Variants in SGCD observed in about 807,000 individuals in gnomAD.
The protein encoded by SGCD is delta-sarcoglycan.
A neutral mutation model predicts 36.6 loss-of-function variants in SGCD; 18 were observed. That is an observed-to-expected ratio of 0.49 (90% CI 0.34 to 0.73). SGCD has a LOEUF of 0.73. Among genes scored for constraint, SGCD ranks in the 30% least tolerant of loss-of-function variants. The pLI, the probability that SGCD is intolerant of heterozygous loss-of-function variation, is 0.01. For synonymous variants in SGCD, 133 were observed against 130.6 expected (o/e 1.02, Z -0.12); for missense variants, 387 against 346.7 (o/e 1.12, Z -0.92).
In SGCD at chr5:156,759,490, A is replaced by G. The variant is rs371064248; in HGVS notation, c.*100A>G. 1.2e-6 allele frequency: 1 copy of G among 819,930 alleles called. No homozygotes were observed. The highest frequency in any genetic ancestry group is 1.9e-6 in the Non-Finnish European group (1 of 516,794). The allele number at this position is 819,930 out of a possible 1,614,324, so 50.8% of individuals were successfully genotyped here. A position where few individuals can be genotyped will look rare whatever the true frequency, so the allele number is the denominator to read the frequency against. ...TTACTAGAACACAGAAAGCCTATCA[A>G]AGACCTTGTGTGTATGTGTACGTGT... On this transcript the variant is annotated 3_prime_UTR_variant, in exon 9 of 9. Transcript: ENST00000337851.
At chr5:156,575,363 A>C (rs2113306141) in intron 4 of SGCD, among the ~76,000 whole-genome samples, 1 of 152,288 alleles carries the variant, frequency 6.6e-6, no homozygotes, top group South Asian at 2.1e-4. Flanking sequence ...CTGTCCAACC[A>C]GTGCTGAAGT....
chr5:155,967,511 G>GT, intron 1 of SGCD, among the ~76,000 whole-genome samples: 1 of 152,020 alleles, frequency 6.6e-6, no homozygotes. Context: ...GTTGTTTAAG[G>GT]TTTCCATCAT....
intron 7 of SGCD, among the ~76,000 whole-genome samples, chr5:156,688,253 G>T (rs1481383151): frequency 1.3e-5 from 2 of 152,014 alleles, no homozygotes; most frequent in East Asian, 3.9e-4. Flanking sequence ...TGGCATAGTG[G>T]CTGACACCTA....
chr5:156,211,174 A>C (rs906915481), intron 3 of SGCD, among the ~76,000 whole-genome samples: 2 of 152,210 alleles, frequency 1.3e-5, no homozygotes, highest in Non-Finnish European at 2.9e-5. Flanking sequence ...AGGAAAAAAA[A>C]ACAAAAAACA....
At chr5:155,785,797 A>G in the SGCD span, among the ~76,000 whole-genome samples, 1 of 152,208 alleles carries the variant, frequency 6.6e-6, no homozygotes, top group African/African-American at 2.4e-5. Flanking sequence ...GTATATTTAT[A>G]TATAAAGAGC....
chr5:155,835,002 A>ATTCTTTTTTTTTTTT, the SGCD span, among the ~76,000 whole-genome samples: 1 of 60,184 alleles, frequency 1.7e-5, no homozygotes. Context: ...TGCCCAGCTA[A>ATTCTTTTTTTTTTTT]TTTTTTTTTT....
chr5:156,081,790 A>G (rs1239164510), intron 1 of SGCD, among the ~76,000 whole-genome samples: 2 of 152,194 alleles, frequency 1.3e-5, no homozygotes, highest in Non-Finnish European at 2.9e-5. Flanking sequence ...AAATCAACTG[A>G]CAAAAGGAAG....
intron 3 of SGCD, among the ~76,000 whole-genome samples, chr5:156,391,566 C>T (rs1487030210): frequency 6.6e-6 from 1 of 152,198 alleles, no homozygotes; most frequent in Non-Finnish European, 1.5e-5. Flanking sequence ...AGTGTAATAA[C>T]TGTTTACAAA....
At chr5:155,879,520 A>T (rs1324857306) in intron 1 of SGCD, among the ~76,000 whole-genome samples, 1 of 152,168 alleles carries the variant, frequency 6.6e-6, no homozygotes, top group Admixed American at 6.5e-5. Flanking sequence ...GAGTAACCAC[A>T]CAATTTCCTT....
At chr5:155,740,096 T>G in the SGCD span, among the ~76,000 whole-genome samples, 1 of 152,184 alleles carries the variant, frequency 6.6e-6, no homozygotes, top group African/African-American at 2.4e-5. Context: ...GAATGACATA[T>G]GTTTTTATTT....
At chr5:155,733,368 A>G in the SGCD span, among the ~76,000 whole-genome samples, 14 of 152,204 alleles carry the variant, frequency 9.2e-5, no homozygotes, top group East Asian at 2.1e-3. Context: ...TTTCCCTTCT[A>G]TTTCATTGAA....
intron 1 of SGCD, among the ~76,000 whole-genome samples, chr5:156,084,404 G>A (rs941195540): frequency 1.3e-5 from 2 of 151,980 alleles, no homozygotes; most frequent in Non-Finnish European, 2.9e-5. Context: ...GTTCATTGTT[G>A]GTATATAGAA....
At chr5:155,927,439 AAG>A (rs538252285) in intron 1 of SGCD, among the ~76,000 whole-genome samples, 3 of 152,192 alleles carry the variant, frequency 2.0e-5, no homozygotes, top group Admixed American at 2.0e-4. Context: ...GTGTCTCAGC[AAG>A]AGAGTGTTAA....
chr5:155,764,417 G>A, the SGCD span, among the ~76,000 whole-genome samples: 1 of 152,132 alleles, frequency 6.6e-6, no homozygotes, highest in Admixed American at 6.6e-5. Flanking sequence ...GTTGGGCTTG[G>A]CTGGCCAGAA....
intron 1 of SGCD, among the ~76,000 whole-genome samples, chr5:155,986,565 G>C (rs1170261534): frequency 6.6e-6 from 1 of 152,146 alleles, no homozygotes; most frequent in Non-Finnish European, 1.5e-5. Context: ...CATTTTGAGG[G>C]GTAGGAGGGA....
intron 2 of SGCD, among the ~76,000 whole-genome samples, chr5:156,342,845 C>G (rs998991119): frequency 5.3e-5 from 8 of 152,226 alleles, no homozygotes; most frequent in Admixed American, 6.5e-5. Context: ...GATGGGAAAT[C>G]ATTCATTGGG....
chr5:156,371,798 C>T (rs1404937188), intron 3 of SGCD, among the ~76,000 whole-genome samples: 2 of 152,210 alleles, frequency 1.3e-5, no homozygotes, highest in East Asian at 1.9e-4. Context: ...ATGATATGCT[C>T]CGTCTAATCT....
At chr5:156,252,092 G>A (rs1179530095) in intron 3 of SGCD, among the ~76,000 whole-genome samples, 1 of 150,214 alleles carries the variant, frequency 6.7e-6, no homozygotes, top group Non-Finnish European at 1.5e-5. Context: ...TTGAGACGGA[G>A]TTTCGCTCTT....
chr5:156,537,459 C>CCA (rs769070218), intron 4 of SGCD, among the ~76,000 whole-genome samples: 16,532 of 125,668 alleles, frequency 0.13, 1,245 homozygotes, highest in East Asian at 0.2. Flanking sequence ...AAGGTAGCAG[C>CCA]CACACACACA....
Sources: gnomAD v4.1 joint callset for allele counts (sites outside exome capture counted in the v4.1 genomes callset) on GRCh38, gnomAD v4.1.1 for gene constraint, MANE v1.5 for transcripts, NCBI Gene and HGNC (gene_info 2026-07-23, HGNC 2026-07-21) for gene names.